Variants in CTNNA3 observed in about 807,000 individuals in gnomAD.
CTNNA3 encodes the protein catenin alpha-3.
In CTNNA3, 76 loss-of-function variants were observed where a neutral mutation model predicts 95.7. The observed-to-expected ratio is 0.79, with a 90% CI of 0.66 to 0.96. CTNNA3 has a LOEUF of 0.96. Ranked by LOEUF, CTNNA3 falls within the 40% of genes least tolerant of loss-of-function variation. The pLI is 0.00. For synonymous variants in CTNNA3, 431 were observed against 374.4 expected (o/e 1.15, Z -1.74); for missense variants, 1,191 against 1,089.8 (o/e 1.09, Z -1.31).
At chr10:67,717,380 G>T (rs891772701) in intron 1 of CTNNA3, among the ~76,000 whole-genome samples, 2 of 152,110 alleles carry the variant, frequency 1.3e-5, no homozygotes, top group African/African-American at 4.8e-5. Flanking sequence ...TTTTAGTCAC[G>T]AAGACTTTGC....
chr10:67,445,570 A>T (rs765458176), intron 5 of CTNNA3, among the ~76,000 whole-genome samples: 1 of 151,890 alleles, frequency 6.6e-6, no homozygotes, highest in Non-Finnish European at 1.5e-5. Flanking sequence ...TGACCTAATC[A>T]CCTCCTATTA....
chr10:66,159,626 G>GTTTTTTTTTTTTTTTTTTTTTT (rs34684370), intron 13 of CTNNA3, among the ~76,000 whole-genome samples: 3 of 114,936 alleles, frequency 2.6e-5, no homozygotes, highest in East Asian at 2.6e-4. Flanking sequence ...TTTGTTTTCT[G>GTTTTTTTTTTTTTTTTTTTTTT]TTTTTTTTTT....
chr10:66,320,567 A>G (rs1171683403), intron 12 of CTNNA3, among the ~76,000 whole-genome samples: 1 of 152,114 alleles, frequency 6.6e-6, no homozygotes, highest in African/African-American at 2.4e-5. Flanking sequence ...GGAGCATGAC[A>G]CATTGACAGG....
Position 67,325,183 on chromosome 10 carries a change from G to A in CTNNA3, c.580-105313C>T, listed in dbSNP as rs1158636341. 5.3e-5 allele frequency among the ~76,000 whole-genome samples: 6 copies of A among 113,216 alleles called. No homozygotes were observed. In the East Asian group the frequency reaches 1.5e-3, roughly 28 times the overall value. The allele number at this position is 113,216 out of a possible 152,430, so 74.3% of individuals were successfully genotyped here. On this transcript the variant is annotated intron_variant, in intron 5 of 17. Coordinates refer to ENST00000433211, the MANE Select transcript of CTNNA3 (RefSeq NM_013266.4). ...ATTTTATTAATTTTTTCAAAGAAAT[G>A]GTTCCTGGATTCATTGATCTTTAAA...
chr10:66,184,613 A>T (rs1273434392), intron 13 of CTNNA3, among the ~76,000 whole-genome samples: 1 of 152,188 alleles, frequency 6.6e-6, no homozygotes, highest in Non-Finnish European at 1.5e-5. Flanking sequence ...ATAGATATGA[A>T]AGTCTTTTCC....
chr10:67,244,936 T>A (rs1349568109), intron 5 of CTNNA3, among the ~76,000 whole-genome samples: 1 of 152,196 alleles, frequency 6.6e-6, no homozygotes, highest in Non-Finnish European at 1.5e-5. Context: ...TTTGTTGTCA[T>A]CTTTAAGCTT....
rs1389706600 is a variant in CTNNA3, at chr10:66,383,580, C to T, written c.1532-4228G>A. On this transcript the variant is annotated intron_variant, in intron 11 of 17. Coordinates refer to ENST00000433211, the MANE Select transcript of CTNNA3 (RefSeq NM_013266.4). ...AGCAAGGCAGGCCAACATTCAAATT[C>T]AGGAAATACAGAGAACACCACAAAG... 6.6e-5 allele frequency among the ~76,000 whole-genome samples: 10 copies of T among 152,126 alleles called. No homozygotes were observed. In the South Asian group the frequency reaches 1.7e-3, roughly 25 times the overall value.
chr10:66,511,050 T>C (rs975156263), intron 11 of CTNNA3, among the ~76,000 whole-genome samples: 2 of 151,156 alleles, frequency 1.3e-5, no homozygotes, highest in African/African-American at 4.9e-5. Flanking sequence ...TTTTTGTTAC[T>C]GATTTAATCT....
At chr10:67,387,775 G>A (rs1242924830) in intron 5 of CTNNA3, among the ~76,000 whole-genome samples, 5 of 152,226 alleles carry the variant, frequency 3.3e-5, no homozygotes, top group Admixed American at 1.3e-4. Context: ...CAGCCTAACT[G>A]GGAGGCACCC....
At chr10:67,112,723 G>C (rs1858973732) in intron 7 of CTNNA3, among the ~76,000 whole-genome samples, 1 of 151,202 alleles carries the variant, frequency 6.6e-6, no homozygotes, top group Non-Finnish European at 1.5e-5. Flanking sequence ...TCAACAATTT[G>C]TATGTTTTGC....
intron 7 of CTNNA3, among the ~76,000 whole-genome samples, chr10:66,999,409 T>A (rs1564822089): frequency 6.6e-6 from 1 of 152,110 alleles, no homozygotes; most frequent in Non-Finnish European, 1.5e-5. Flanking sequence ...TAGGTAAGCA[T>A]CTAATAATTA....
intron 15 of CTNNA3, among the ~76,000 whole-genome samples, chr10:66,064,508 C>A (rs2133583533): frequency 6.6e-6 from 1 of 152,260 alleles, no homozygotes; most frequent in Non-Finnish European, 1.5e-5. Context: ...ATAGGTCACA[C>A]ACTTGGGATC....
intron 11 of CTNNA3, among the ~76,000 whole-genome samples, chr10:66,472,102 G>T (rs1039747153): frequency 6.6e-6 from 1 of 151,958 alleles, no homozygotes; most frequent in Non-Finnish European, 1.5e-5. Context: ...CATGAGAAAA[G>T]CTAAAGAAAG....
At chr10:67,515,354 C>T (rs1839778695) in intron 5 of CTNNA3, among the ~76,000 whole-genome samples, 1 of 152,134 alleles carries the variant, frequency 6.6e-6, no homozygotes, top group African/African-American at 2.4e-5. Flanking sequence ...ATGATGCATC[C>T]AACCTTCTTT....
At chr10:67,099,429 C>T (rs527340923) in intron 7 of CTNNA3, 6 of 151,630 alleles carry the variant, frequency 4.0e-5, no homozygotes, top group African/African-American at 1.2e-4. Flanking sequence ...ATTGACAATA[C>T]ATCAATCTAA....
At chr10:66,207,009 T>C (rs1486625182) in intron 13 of CTNNA3, among the ~76,000 whole-genome samples, 1 of 151,914 alleles carries the variant, frequency 6.6e-6, no homozygotes, top group African/African-American at 2.4e-5. Context: ...TAAGAGGATG[T>C]GCATGTATAT....
intron 16 of CTNNA3, among the ~76,000 whole-genome samples, chr10:65,968,845 G>C (rs1589191927): frequency 1.3e-5 from 2 of 152,266 alleles, no homozygotes; most frequent in South Asian, 4.1e-4. Context: ...CACACCTCTT[G>C]GTGTTTGGTA....
At chr10:67,207,257 G>A (rs1248159768) in intron 6 of CTNNA3, among the ~76,000 whole-genome samples, 1 of 152,136 alleles carries the variant, frequency 6.6e-6, no homozygotes, top group Non-Finnish European at 1.5e-5. Context: ...AGATCTAGCA[G>A]TCAGCCTAAT....
intron 12 of CTNNA3, among the ~76,000 whole-genome samples, chr10:66,338,707 T>A (rs1375268409): frequency 1.3e-5 from 2 of 151,854 alleles, no homozygotes. Context: ...GGTTGTTAAC[T>A]GTGATTTCAC....
Sources: gnomAD v4.1 joint callset for allele counts (sites outside exome capture counted in the v4.1 genomes callset) on GRCh38, gnomAD v4.1.1 for gene constraint, MANE v1.5 for transcripts, NCBI Gene and HGNC (gene_info 2026-07-23, HGNC 2026-07-21) for gene names.